CUBN: variants seen among roughly 807,000 people sequenced by gnomAD.
CUBN encodes the protein 460 kDa receptor.
A neutral mutation model predicts 405.3 loss-of-function variants in CUBN; 282 were observed. The observed-to-expected ratio is 0.70, with a 90% CI of 0.63 to 0.77. The LOEUF is 0.77. Among genes scored for constraint, CUBN ranks in the 30% least tolerant of loss-of-function variants. The pLI is 0.00. For synonymous variants in CUBN, 1,684 were observed against 1,617.0 expected (o/e 1.04, Z -0.99); for missense variants, 4,514 against 4,475.2 (o/e 1.01, Z -0.25).
chr10:17,119,172 C>T (rs536811653), intron 6 of CUBN, among the ~76,000 whole-genome samples: 11 of 152,302 alleles, frequency 7.2e-5, no homozygotes, highest in Middle Eastern at 3.4e-3. Context: ...TTAAACTCTG[C>T]ATGATGTAAA....
chr10:16,848,214 C>G (rs1839577430), intron 60 of CUBN, among the ~76,000 whole-genome samples: 1 of 152,320 alleles, frequency 6.6e-6, no homozygotes, highest in Middle Eastern at 3.4e-3. Context: ...TCAAATCACA[C>G]TCCATAAAAA....
intron 54 of CUBN, among the ~76,000 whole-genome samples, chr10:16,894,729 A>C (rs1055660726): frequency 3.3e-5 from 5 of 152,222 alleles, no homozygotes; most frequent in Admixed American, 6.5e-5. Context: ...CTATGCCTAC[A>C]AAAGACTTTG....
intron 59 of CUBN, among the ~76,000 whole-genome samples, chr10:16,861,870 G>A (rs1177033266): frequency 6.6e-6 from 1 of 152,014 alleles, no homozygotes; most frequent in Non-Finnish European, 1.5e-5. Flanking sequence ...ATCCCTGGGG[G>A]CTGGGCGCAG....
intron 7 of CUBN, 94 bp from the exon 8 acceptor site, chr10:17,114,283 CTA>C: frequency 7.8e-7 from 1 of 1,286,678 alleles, no homozygotes; most frequent in South Asian, 1.3e-5. Flanking sequence ...TGTTTATCCT[CTA>C]ACGTTCATTT....
At position 17,045,098 on chromosome 10, in the gene CUBN, C is replaced by G; in HGVS notation, c.3581G>C (p.Trp1194Ser). The change falls in exon 25 of 67, where the codon TGG becomes TCG. Residue 1194 changes from tryptophan to serine, a missense_variant. This residue lies in a region of CUBN where 242 missense variants were observed against 309.0 expected (regional missense o/e 0.78). Transcript: ENST00000377833. ...TGCGCTGCCGTGGCTAGATTTCAAC[C>G]ACCAGTAGCATTCAGAGCTGTGGTA... ...PYYHSSECYW[W>S]LKSSHGSAFE... 3.1e-6 allele frequency: 5 copies of G among 1,614,034 alleles called. No homozygotes were observed. Among genetic ancestry groups the G allele is most frequent in the Non-Finnish European group, 3.4e-6 (4 of 1,179,994 alleles).
At chr10:16,935,879 C>CAAAAAAAAAAA (rs369098280) in intron 39 of CUBN, among the ~76,000 whole-genome samples, 2 of 71,398 alleles carry the variant, frequency 2.8e-5, no homozygotes, top group Non-Finnish European at 5.2e-5. Flanking sequence ...GACTCCATCT[C>CAAAAAAAAAAA]AAAAAAAAAA....
chr10:16,984,029 C>T lies in CUBN; in HGVS notation c.4525+76G>A, dbSNP rs369858808. 109 of 1,518,210 alleles carry T rather than the reference C, an allele frequency of 7.2e-5. No individual in the cohort carries two copies. In the East Asian group the frequency reaches 1.1e-3, roughly 15 times the overall value. The allele number at this position is 1,518,210 out of a possible 1,614,324, so 94.0% of individuals were successfully genotyped here. On this transcript the variant is annotated intron_variant, in intron 30 of 66. Coordinates refer to ENST00000377833, the MANE Select transcript of CUBN (RefSeq NM_001081.4). The stretch of plus-strand genomic sequence containing the variant: ...AAGTTATAAGTGTGTAGCCTTCATA[C>T]GTTTTCCCAAGCATTTCATGAAATT...
chr10:16,907,484 G>A, intron 49 of CUBN, 24 bp downstream of exon 49: 1 of 1,613,540 alleles, frequency 6.2e-7, no homozygotes, highest in Non-Finnish European at 8.5e-7. Flanking sequence ...TAAAATGGGG[G>A]GCATTTACAA....
chr10:17,023,745 G>C, intron 27 of CUBN: 1 of 383,106 alleles, frequency 2.6e-6, no homozygotes, highest in Non-Finnish European at 5.4e-6. Context: ...AAGGAAACTA[G>C]TAAAAACTAA....
At chr10:17,009,459 T>C (rs1192139027) in intron 28 of CUBN, among the ~76,000 whole-genome samples, 1 of 152,212 alleles carries the variant, frequency 6.6e-6, no homozygotes, top group Non-Finnish European at 1.5e-5. Flanking sequence ...AAGAGCCCAT[T>C]GATACAGTAA....
intron 28 of CUBN, among the ~76,000 whole-genome samples, chr10:16,993,752 G>A (rs773438014): frequency 2.0e-4 from 30 of 150,938 alleles, no homozygotes; most frequent in Non-Finnish European, 2.5e-4. Context: ...TGATCCACCC[G>A]CCTTGGCCTC....
At chr10:16,843,173 T>G (rs545590853) in intron 60 of CUBN, among the ~76,000 whole-genome samples, 5 of 152,302 alleles carry the variant, frequency 3.3e-5, no homozygotes, top group African/African-American at 1.2e-4. Context: ...CCCAGAACAA[T>G]TCCCAACCAT....
intron 31 of CUBN, among the ~76,000 whole-genome samples, chr10:16,967,843 CAG>C (rs367844276): frequency 6.2e-4 from 69 of 110,888 alleles, no homozygotes; most frequent in African/African-American, 1.7e-3. Context: ...GAAGGAGAGA[CAG>C]AGGGAGAGAG....
chr10:17,100,939 G>C (rs1425924350), intron 13 of CUBN, among the ~76,000 whole-genome samples: 2 of 152,130 alleles, frequency 1.3e-5, no homozygotes, highest in Non-Finnish European at 2.9e-5. Context: ...AAATGTGTCC[G>C]AATGGATTAG....
Position 16,982,593 on chromosome 10 carries a change from G to T in CUBN, c.4586C>A (p.Pro1529His), listed in dbSNP as rs1251118545. The T allele has an allele frequency of 1.2e-6, 2 of 1,613,646 alleles. No homozygotes were observed. Among genetic ancestry groups the T allele is most frequent in the Non-Finnish European group, 8.5e-7 (1 of 1,179,602 alleles). Residue 1529 changes from proline (P) to histidine (H), a missense_variant, in exon 31 of 67, where the codon CCT becomes CAT. Transcript: ENST00000377833. ...GEIHSPNYPS[P>H]YRSNTDCSWV... is the part of the protein sequence containing the mutation. ...AGAACAGTCTGTGTTGCTCCTATAA[G>T]GACTGGGGTAATTTGGAGAATGAAT...
intron 31 of CUBN, among the ~76,000 whole-genome samples, chr10:16,962,818 A>C (rs76092887): frequency 0.14 from 21,763 of 152,156 alleles, 1,977 homozygotes; most frequent in Middle Eastern, 0.23. Context: ...TGAGTGAGCC[A>C]GGAAGCATGC....
chr10:17,045,360 ATTT>A (rs34487389), intron 24 of CUBN, among the ~76,000 whole-genome samples, 172 bp from the exon 25 acceptor site: 3 of 134,282 alleles, frequency 2.2e-5, no homozygotes, highest in Admixed American at 7.5e-5. Flanking sequence ...ATTTTTTTCT[ATTT>A]TTTTTTTTTT....
chr10:16,913,429 C>T (rs1409336764), intron 48 of CUBN, among the ~76,000 whole-genome samples: 2 of 152,102 alleles, frequency 1.3e-5, no homozygotes, highest in African/African-American at 4.8e-5. Flanking sequence ...CTGGAGAGAG[C>T]AGTGCTTATG....
intron 28 of CUBN, among the ~76,000 whole-genome samples, chr10:16,999,431 A>C (rs1367485851): frequency 6.6e-6 from 1 of 152,226 alleles, no homozygotes. Flanking sequence ...TTAAGCTACT[A>C]ATTTCAATCA....
Sources: allele counts gnomAD v4.1 joint callset (sites outside exome capture counted in the v4.1 genomes callset), GRCh38; gene constraint gnomAD v4.1.1; regional missense constraint gnomAD v4.1.1; transcripts MANE v1.5; gene names NCBI Gene and HGNC (gene_info 2026-07-23, HGNC 2026-07-21).